Variants in LRRFIP1 observed in about 807,000 individuals in gnomAD.
The protein encoded by LRRFIP1 is leucine-rich repeat flightless-interacting protein 1.
In LRRFIP1, 62 loss-of-function variants were observed where a neutral mutation model predicts 104.4. The ratio of observed to expected loss-of-function variants is 0.59; its 90% CI spans 0.48 to 0.73. The LOEUF is 0.73. LRRFIP1 is among the 30% of genes least tolerant of loss of function. LRRFIP1 has a pLI of 0.00. For synonymous variants in LRRFIP1, 300 were observed against 299.0 expected (o/e 1.00, Z -0.03); for missense variants, 796 against 824.5 (o/e 0.97, Z 0.42).
At chr2:237,678,636 G>C in intron 1 of LRRFIP1, among the ~76,000 whole-genome samples, 1 of 152,042 alleles carries the variant, frequency 6.6e-6, no homozygotes, top group Non-Finnish European at 1.5e-5. Flanking sequence ...CTCCTGAGTA[G>C]CTGGGATTAT....
intron 1 of LRRFIP1, among the ~76,000 whole-genome samples, chr2:237,644,477 G>C (rs2084550425): frequency 6.6e-6 from 1 of 152,224 alleles, no homozygotes; most frequent in Non-Finnish European, 1.5e-5. Context: ...GGCACCCCAG[G>C]AGTAACTGAA....
Position 237,649,014 on chromosome 2 carries a change from G to A in LRRFIP1, c.96+21274G>A, listed in dbSNP as rs998390794. 1.3e-5 allele frequency among the ~76,000 whole-genome samples: 2 copies of A among 151,944 alleles called. No homozygotes were observed. Among genetic ancestry groups the A allele is most frequent in the East Asian group, 1.9e-4 (1 of 5,200 alleles). On this transcript the variant is annotated intron_variant, in intron 1 of 23. Transcript: ENST00000308482. The surrounding 1 kb of genome is among the most constrained non-coding windows in gnomAD (Gnocchi z 4.1). ...TTCCAGAAACAGGCATGGCTGGTGTGAGAGGAGGCGTCCTTGTCACCATCC... is the reference window on the plus strand; with the variant it reads ...TTCCAGAAACAGGCATGGCTGGTGTAAGAGGAGGCGTCCTTGTCACCATCC...
chr2:237,660,306 C>A (rs1200544859), intron 1 of LRRFIP1, among the ~76,000 whole-genome samples: 1 of 152,208 alleles, frequency 6.6e-6, no homozygotes, highest in East Asian at 1.9e-4. Context: ...TTACCATCTG[C>A]CCACCCCACG....
chr2:237,721,007 AT>A (rs755021300), intron 6 of LRRFIP1, 185 bp downstream of exon 6: 2 of 571,726 alleles, frequency 3.5e-6, no homozygotes, highest in Non-Finnish European at 6.4e-6. Context: ...TAGAGAGATG[AT>A]TTATATGCAT....
intron 9 of LRRFIP1, 79 bp downstream of exon 9, chr2:237,733,897 G>A (rs918485288): frequency 6.0e-6 from 9 of 1,489,900 alleles, no homozygotes; most frequent in Admixed American, 3.4e-5. Context: ...CAGAGCCGGG[G>A]ATGTGCCTGT....
intron 10 of LRRFIP1, among the ~76,000 whole-genome samples, chr2:237,737,378 C>A (rs1339197518): frequency 6.6e-6 from 1 of 152,180 alleles, no homozygotes; most frequent in Non-Finnish European, 1.5e-5. Flanking sequence ...AGAGATGGAG[C>A]CATGATTCAG....
At chr2:237,685,108 TC>T (rs994023452) in intron 1 of LRRFIP1, among the ~76,000 whole-genome samples, 6 of 11,360 alleles carry the variant, frequency 5.3e-4, no homozygotes, top group Admixed American at 8.7e-4. Flanking sequence ...CTCCCTACCC[TC>T]CCCCCCCCAC....
At chr2:237,719,940 CTT>C (rs57355213) in intron 5 of LRRFIP1, among the ~76,000 whole-genome samples, 30 of 103,976 alleles carry the variant, frequency 2.9e-4, no homozygotes, top group Admixed American at 5.6e-4. Flanking sequence ...GATGAAATTA[CTT>C]TTTTTTTTTT....
chr2:237,764,273 G>A (rs2060127845), intron 19 of LRRFIP1: 4 of 1,578,710 alleles, frequency 2.5e-6, no homozygotes, highest in Non-Finnish European at 2.6e-6. Context: ...GTGCTCTACT[G>A]CTTTAAGTTA....
At chr2:237,730,378 G>A (rs2094947184) in intron 8 of LRRFIP1, among the ~76,000 whole-genome samples, 1 of 152,154 alleles carries the variant, frequency 6.6e-6, no homozygotes, top group African/African-American at 2.4e-5. Flanking sequence ...CCCTAAAATT[G>A]CTAAGGCTTG....
chr2:237,773,999 G>T, intron 22 of LRRFIP1: 2 of 197,616 alleles, frequency 1.0e-5, no homozygotes, highest in Non-Finnish European at 2.1e-5. Flanking sequence ...AGATTAGACT[G>T]GAGCTGAGGT....
chr2:237,735,658 A>G lies in LRRFIP1; in HGVS notation c.555+325A>G. 1 of 283,280 alleles carries G rather than the reference A, an allele frequency of 3.5e-6. No homozygotes were observed. 17.5% of individuals were successfully genotyped at this position (283,280 alleles called of 1,614,324 possible). On this transcript the variant is annotated intron_variant, in intron 10 of 23. Transcript: ENST00000308482. The surrounding 1 kb of genome is among the most constrained non-coding windows in gnomAD (Gnocchi z 4.6). ...AAAAACGGGAAAAGGACAACTTGAC[A>G]GACCACACATCATTCTCGTCCCTGG...
intron 1 of LRRFIP1, among the ~76,000 whole-genome samples, chr2:237,628,403 A>T (rs1456578611): frequency 6.6e-6 from 1 of 151,342 alleles, no homozygotes; most frequent in Non-Finnish European, 1.5e-5. Context: ...GACAAATTGA[A>T]GGCGCACTAG....
At chr2:237,678,082 G>A (rs1399359030) in intron 1 of LRRFIP1, among the ~76,000 whole-genome samples, 1 of 152,088 alleles carries the variant, frequency 6.6e-6, no homozygotes, top group African/African-American at 2.4e-5. Flanking sequence ...AAGTTCATGA[G>A]CTTCCATTGC....
At chr2:237,672,285 C>T (rs2090472089) in intron 1 of LRRFIP1, among the ~76,000 whole-genome samples, 1 of 152,178 alleles carries the variant, frequency 6.6e-6, no homozygotes, top group African/African-American at 2.4e-5. Context: ...GGTCACCTTC[C>T]TTCAGTTCCT....
At chr2:237,685,876 C>T (rs1246641883) in intron 1 of LRRFIP1, among the ~76,000 whole-genome samples, 3 of 152,244 alleles carry the variant, frequency 2.0e-5, no homozygotes, top group Non-Finnish European at 4.4e-5. Flanking sequence ...ATTTATTACA[C>T]ATGCACAAAT....
chr2:237,627,695 G>C lies in LRRFIP1; in HGVS notation c.51G>C (p.Glu17Asp). Residue 17 changes from glutamate (E) to aspartate (D), a missense_variant, in exon 1 of 24, where the codon GAG (glutamate) becomes GAC (aspartate). By Grantham distance (45) the Glu-to-Asp change is conservative. Transcript: ENST00000308482. The part of the protein sequence containing the change: ...GSGRKRLPNR[E>D]RLTAEDDALN... ...GGCGCAAGCGGCTCCCCAACCGGGA[G>C]CGGCTCACGGCGGAGGACGACGCGC... 7.3e-7 allele frequency: 1 copy of C among 1,369,782 alleles called. No homozygotes were observed. Among genetic ancestry groups the C allele is most frequent in the East Asian group, 3.4e-5 (1 of 29,716 alleles). 84.9% of individuals were successfully genotyped at this position (1,369,782 alleles called of 1,614,324 possible).
chr2:237,765,965 T>C, intron 19 of LRRFIP1: 2 of 957,190 alleles, frequency 2.1e-6, no homozygotes, highest in Non-Finnish European at 2.5e-6. Context: ...CTGACTACTG[T>C]TGTATGTAAT....
intron 11 of LRRFIP1, among the ~76,000 whole-genome samples, chr2:237,745,160 C>G (rs2150542009): frequency 6.6e-6 from 1 of 152,352 alleles, no homozygotes. Context: ...CGGCTTCTGT[C>G]CGGGCCCGGC....
Sources: gnomAD v4.1 joint callset for allele counts (sites outside exome capture counted in the v4.1 genomes callset) on GRCh38, gnomAD v4.1.1 for gene constraint, Gnocchi (gnomAD v3.1) non-coding constraint, MANE v1.5 for transcripts, NCBI Gene and HGNC (gene_info 2026-07-23, HGNC 2026-07-21) for gene names.